Variants in TRIM58 observed in about 807,000 individuals in gnomAD.
The protein encoded by TRIM58 is E3 ubiquitin-protein ligase TRIM58.
A neutral mutation model predicts 34.1 loss-of-function variants in TRIM58; 38 were observed. That is an observed-to-expected ratio of 1.12 (90% CI 0.86 to 1.46). The LOEUF (loss-of-function observed/expected upper bound fraction) is 1.46. Ranked by LOEUF, TRIM58 falls within the 40% of genes most tolerant of loss-of-function variation. TRIM58 has a pLI of 0.00. For synonymous variants in TRIM58, 273 were observed against 275.7 expected, an observed-to-expected ratio of 0.99 and a Z score of 0.10; for missense variants, 677 against 642.0, an observed-to-expected ratio of 1.05 and a Z score of -0.59.
chr1:247,862,881 A>C (rs1663827725), intron 2 of TRIM58, among the ~76,000 whole-genome samples: 1 of 152,154 alleles, frequency 6.6e-6, no homozygotes. Context: ...GGTGGTGTGA[A>C]AGGAAGATGG....
At chr1:247,871,780 T>C (rs74152854) in intron 5 of TRIM58, among the ~76,000 whole-genome samples, 277 of 152,350 alleles carry the variant, frequency 1.8e-3, no homozygotes, top group African/African-American at 6.3e-3. Flanking sequence ...CAAAATACTC[T>C]ACAATCCGTA....
chr1:247,865,016 C>CT (rs1287289487), intron 3 of TRIM58, 81 bp downstream of exon 3: 2 of 1,305,320 alleles, frequency 1.5e-6, no homozygotes, highest in Non-Finnish European at 2.1e-6. Context: ...GAGACAAACA[C>CT]TTTGGCGTTT....
At chr1:247,875,509 G>T (rs577149020) in intron 5 of TRIM58, among the ~76,000 whole-genome samples, 22 of 152,004 alleles carry the variant, frequency 1.4e-4, no homozygotes, top group Admixed American at 3.9e-4. Context: ...CTGCACTCCA[G>T]CCTGGGCAAC....
intron 5 of TRIM58, among the ~76,000 whole-genome samples, chr1:247,875,172 G>A (rs1446874531): frequency 2.6e-5 from 4 of 152,268 alleles, no homozygotes; most frequent in African/African-American, 7.2e-5. Context: ...GTCATATAGT[G>A]TAACATACTC....
At position 247,876,433 on chromosome 1, in the gene TRIM58, T is replaced by C. The variant is rs779348762; in HGVS notation, c.1405T>C (p.Trp469Arg). The C allele has an allele frequency of 4.3e-6, 7 of 1,614,072 alleles. No homozygotes were observed. Among genetic ancestry groups the C allele is most frequent in the Non-Finnish European group, 5.1e-6 (6 of 1,180,032 alleles). ...PPTTIAGSGN[W>R]ASRDHLDPAS... is the part of the protein sequence containing the mutation. ...CACAACAATAGCAGGGTCAGGAAAT[T>C]GGGCATCCAGGGATCATTTAGATCC... is the stretch of plus-strand genomic sequence containing the variant. Residue 469 changes from tryptophan to arginine, a missense_variant, in exon 6 of 6, where the codon TGG (tryptophan) becomes CGG (arginine). Trp to Arg is a moderately radical substitution (Grantham distance 101). Coordinates refer to ENST00000366481, the MANE Select transcript of TRIM58 (RefSeq NM_015431.4).
rs540223703 is a variant in TRIM58, at chr1:247,878,429, A to G, written c.*1940A>G. 5.3e-5 allele frequency among the ~76,000 whole-genome samples: 8 copies of G among 152,234 alleles called. No homozygotes were observed. The South Asian group carries it at 1.7e-3, about 32-fold the overall frequency. ...ATTACTAACGTAGCCTTCTTCCTAG[A>G]TTTTTTAATTGTTTGATCATGAGCG... On this transcript the variant is annotated 3_prime_UTR_variant, in exon 6 of 6. Transcript: ENST00000366481.
Position 247,875,200 on chromosome 1 carries a change from G to T in TRIM58, c.872-700G>T, listed in dbSNP as rs571618721. Among the ~76,000 whole-genome samples, 7 of 152,270 alleles carry T rather than the reference G, an allele frequency of 4.6e-5. No homozygotes were observed. The East Asian group carries it at 1.2e-3, about 25-fold the overall frequency. On this transcript the variant is annotated intron_variant, in intron 5 of 5. Transcript: ENST00000366481. ...ACATACTCATGAGGCTAACACCAGG[G>T]TGTGAAGGTCATGGGGTCCATCTTA...
In TRIM58 at chr1:247,868,037, G is replaced by A. The variant is rs1165839987; in HGVS notation, c.845G>A (p.Arg282Lys). ...ELKTACCIPG[R>K]RELLRKFQVD... The stretch of plus-strand genomic sequence containing the variant: ...AAGACAGCATGCTGCATCCCTGGGA[G>A]GAGGGAGCTCTTAAGGAAGTTCCAA... Residue 282 changes from arginine to lysine, a missense_variant, in exon 5 of 6, where the codon AGG (arginine) becomes AAG (lysine). Physicochemically the swap from Arg to Lys is conservative, Grantham distance 26. Coordinates refer to ENST00000366481, the MANE Select transcript of TRIM58 (RefSeq NM_015431.4). 2 of 1,610,160 alleles carry A rather than the reference G, an allele frequency of 1.2e-6. No homozygotes were observed. The highest frequency in any genetic ancestry group is 2.2e-5 in the South Asian group (2 of 90,268).
chr1:247,871,931 C>A (rs1659136054), intron 5 of TRIM58, among the ~76,000 whole-genome samples: 1 of 152,176 alleles, frequency 6.6e-6, no homozygotes. Context: ...AAAGACCCCG[C>A]CCTGCAGGGG....
At chr1:247,869,326 G>T (rs890543312) in intron 5 of TRIM58, among the ~76,000 whole-genome samples, 2 of 152,184 alleles carry the variant, frequency 1.3e-5, no homozygotes, top group African/African-American at 4.8e-5. Context: ...GGGGGGTGAG[G>T]CGTGAAGGAC....
intron 5 of TRIM58, among the ~76,000 whole-genome samples, chr1:247,871,832 TG>T (rs1659132473): frequency 3.9e-5 from 6 of 152,216 alleles, no homozygotes; most frequent in African/African-American, 1.4e-4. Context: ...ATACACAGGC[TG>T]TAAGTGGCTG....
At position 247,876,995 on chromosome 1, in the gene TRIM58, C is replaced by G. The variant is rs1338298131; in HGVS notation, c.*506C>G. ...TCCCTGTCACTCTCTCTCTCTTGTT[C>G]CTTATTTTTTGTTTCTTACCTCTTA... On this transcript the variant is annotated 3_prime_UTR_variant, in exon 6 of 6. Coordinates refer to ENST00000366481, the MANE Select transcript of TRIM58 (RefSeq NM_015431.4). 6.4e-6 allele frequency: 1 copy of G among 156,424 alleles called. No individual in the cohort carries two copies. Among genetic ancestry groups the G allele is most frequent in the African/African-American group, 2.4e-5 (1 of 41,426 alleles). 9.7% of individuals were successfully genotyped at this position (156,424 alleles called of 1,614,324 possible). A position where few individuals can be genotyped will look rare whatever the true frequency, so the allele number is the denominator to read the frequency against.
At position 247,860,719 on chromosome 1, in the gene TRIM58, C is replaced by T. The variant is rs1663771492; in HGVS notation, c.516+7C>T. ...AAAGACTGTCATTTGGAAGGTAAGA[C>T]CATGTTGGGGCTTTAGGAGGCTTGC... On this transcript the variant is annotated splice_region_variant and intron_variant, in intron 2 of 5. Transcript: ENST00000366481. 1 of 1,607,476 alleles carries T rather than the reference C, an allele frequency of 6.2e-7. No homozygotes were observed. Among genetic ancestry groups the T allele is most frequent in the Non-Finnish European group, 8.5e-7 (1 of 1,174,236 alleles).
rs767822361 is a variant in TRIM58, at chr1:247,864,737, A to G, written c.549A>G (p.Arg183=). 3.3e-5 allele frequency: 53 copies of G among 1,614,044 alleles called. No individual in the cohort carries two copies. The highest frequency in any genetic ancestry group is 4.3e-5 in the Non-Finnish European group (51 of 1,180,044). The change falls in exon 3 of 6, where the codon AGA becomes AGG. Residue 183 remains arginine, a synonymous_variant. Coordinates refer to ENST00000366481, the MANE Select transcript of TRIM58 (RefSeq NM_015431.4). ...TGGAAATGCAGAGGCAGCGCTTCAGATTGGAGTTTGAGAAGCATCGTGGCT... is the reference window on the plus strand; with the variant it reads ...TGGAAATGCAGAGGCAGCGCTTCAGGTTGGAGTTTGAGAAGCATCGTGGCT... ...EKVEMQRQRF[R]LEFEKHRGFL... is the part of the protein sequence containing the mutation.
At chr1:247,869,541 T>C (rs943416274) in intron 5 of TRIM58, among the ~76,000 whole-genome samples, 32 of 152,258 alleles carry the variant, frequency 2.1e-4, no homozygotes, top group African/African-American at 7.2e-4. Flanking sequence ...ATCATAGGCA[T>C]GGTGAATGTA....
At chr1:247,862,855 T>C (rs549439792) in intron 2 of TRIM58, among the ~76,000 whole-genome samples, 4 of 152,280 alleles carry the variant, frequency 2.6e-5, no homozygotes, top group East Asian at 1.9e-4. Flanking sequence ...TCTGCAGATA[T>C]AGTTGTGCTC....
At chr1:247,861,387 G>A (rs564306847) in intron 2 of TRIM58, among the ~76,000 whole-genome samples, 1 of 152,208 alleles carries the variant, frequency 6.6e-6, no homozygotes, top group South Asian at 2.1e-4. Flanking sequence ...GAGGAGGGGT[G>A]GGTGCAGTGC....
chr1:247,862,613 C>T (rs1663818676), intron 2 of TRIM58, among the ~76,000 whole-genome samples: 1 of 152,132 alleles, frequency 6.6e-6, no homozygotes, highest in South Asian at 2.1e-4. Context: ...CCTGGCCTGA[C>T]CATAGATCTA....
In TRIM58 at chr1:247,876,421, G is replaced by C. The variant is rs2103337598; in HGVS notation, c.1393G>C (p.Gly465Arg). The change falls in exon 6 of 6, where the codon GGG becomes CGG. Residue 465 changes from glycine (G) to arginine (R), a missense_variant. Physicochemically the swap from Gly to Arg is moderately radical, Grantham distance 125 (BLOSUM62 -2). Coordinates refer to ENST00000366481, the MANE Select transcript of TRIM58 (RefSeq NM_015431.4). ...TATCTTGCCACCCACAACAATAGCA[G>C]GGTCAGGAAATTGGGCATCCAGGGA... ...PLILPPTTIA[G>R]SGNWASRDHL... 2 of 1,614,142 alleles carry C rather than the reference G, an allele frequency of 1.2e-6. No individual in the cohort carries two copies. Among genetic ancestry groups the C allele is most frequent in the Non-Finnish European group, 1.7e-6 (2 of 1,180,032 alleles).
Sources: gnomAD v4.1 joint callset for allele counts (sites outside exome capture counted in the v4.1 genomes callset) on GRCh38, gnomAD v4.1.1 for gene constraint, MANE v1.5 for transcripts, NCBI Gene and HGNC (gene_info 2026-07-23, HGNC 2026-07-21) for gene names.